Variants in MPP7 observed in about 807,000 individuals in gnomAD.
MPP7 encodes the protein MAGUK p55 scaffold protein 7.
Under a neutral mutation model 76.5 loss-of-function variants are expected in MPP7, and 60 were observed. That is an observed-to-expected ratio of 0.78 (90% CI 0.64 to 0.97). MPP7 has a LOEUF of 0.97. Among genes scored for constraint, MPP7 ranks in the 50% least tolerant of loss-of-function variants. MPP7 has a pLI of 0.00. For synonymous variants in MPP7, 237 were observed against 244.5 expected (o/e 0.97, Z 0.29); for missense variants, 641 against 694.0 (o/e 0.92, Z 0.86).
At chr10:28,195,503 G>A (rs1837551293) in intron 3 of MPP7, among the ~76,000 whole-genome samples, 1 of 152,204 alleles carries the variant, frequency 6.6e-6, no homozygotes, top group Non-Finnish European at 1.5e-5. Flanking sequence ...TCCATCCATG[G>A]ATGAAAGGAT....
chr10:28,253,577 A>G (rs151132187), intron 1 of MPP7, among the ~76,000 whole-genome samples: 262 of 152,332 alleles, frequency 1.7e-3, no homozygotes, highest in African/African-American at 6.1e-3. Flanking sequence ...ATATTTCCTT[A>G]TAGTTGATAG....
intron 1 of MPP7, among the ~76,000 whole-genome samples, chr10:28,301,616 AAGT>A (rs1231080493): frequency 1.3e-5 from 2 of 152,220 alleles, no homozygotes; most frequent in Non-Finnish European, 2.9e-5. Context: ...GTATAAAATA[AAGT>A]AGGAGTAAAG....
At chr10:28,172,500 A>C (rs1836716793) in intron 3 of MPP7, among the ~76,000 whole-genome samples, 1 of 152,230 alleles carries the variant, frequency 6.6e-6, no homozygotes, top group South Asian at 2.1e-4. Context: ...GGAAATATCA[A>C]GACTCTACTA....
chr10:28,173,991 G>A (rs566488200), intron 3 of MPP7, among the ~76,000 whole-genome samples: 4 of 152,210 alleles, frequency 2.6e-5, no homozygotes, highest in South Asian at 2.1e-4. Flanking sequence ...AAGAGCAGAC[G>A]GTCCAGAAAC....
At chr10:28,277,704 G>A (rs1041700745) in intron 1 of MPP7, among the ~76,000 whole-genome samples, 4 of 152,106 alleles carry the variant, frequency 2.6e-5, no homozygotes, top group African/African-American at 7.3e-5. Context: ...TAGCAAAGCA[G>A]CAGCTGTAGT....
At chr10:28,261,459 G>T (rs1051667269) in intron 1 of MPP7, among the ~76,000 whole-genome samples, 2 of 152,184 alleles carry the variant, frequency 1.3e-5, no homozygotes, top group African/African-American at 4.8e-5. Context: ...CATTGTCCCT[G>T]CCATTCTATC....
intron 11 of MPP7, among the ~76,000 whole-genome samples, chr10:28,100,536 A>G (rs1853775399): frequency 6.6e-6 from 1 of 152,180 alleles, no homozygotes; most frequent in African/African-American, 2.4e-5. Flanking sequence ...AAGAAAAATG[A>G]ACATTTTCAT....
At chr10:28,232,638 C>G (rs1838927907) in intron 2 of MPP7, among the ~76,000 whole-genome samples, 1 of 152,174 alleles carries the variant, frequency 6.6e-6, no homozygotes, top group African/African-American at 2.4e-5. Flanking sequence ...CACTTTCAAA[C>G]TAAAAACTGC....
At chr10:28,072,362 GGCTGC>G (rs1852279139) in intron 12 of MPP7, among the ~76,000 whole-genome samples, 1 of 151,802 alleles carries the variant, frequency 6.6e-6, no homozygotes, top group Non-Finnish European at 1.5e-5. Flanking sequence ...CCCCACCACA[GGCTGC>G]ATCATCTCCT....
At chr10:28,334,648 A>T (rs1380926070), upstream of MPP7, among the ~76,000 whole-genome samples, 2 of 152,214 alleles carry the variant, frequency 1.3e-5, no homozygotes, top group Non-Finnish European at 2.9e-5. Context: ...TTAAATATTA[A>T]CACTTTCCCT....
chr10:28,299,423 G>A lies in MPP7; in HGVS notation c.-132+3438C>T, dbSNP rs567312819. ...ATCAGAACATATGTAACATTTATCA[G>A]TTAAGTTCACCATATTATATAGGTG... On this transcript the variant is annotated intron_variant, in intron 1 of 16. Coordinates refer to ENST00000683449, the MANE Select transcript of MPP7 (RefSeq NM_001318170.2). Among the ~76,000 whole-genome samples, 7 of 152,288 alleles carry A rather than the reference G, an allele frequency of 4.6e-5. No individual in the cohort carries two copies. The East Asian group carries it at 1.3e-3, about 29-fold the overall frequency.
chr10:28,278,624 T>C lies in MPP7; in HGVS notation c.-132+24237A>G, dbSNP rs1177854942. ...ACAGAATGAAACACACAGTGTATCA[T>C]TTATGTTAATGAACATGTAACACTG... On this transcript the variant is annotated intron_variant, in intron 1 of 16. Transcript: ENST00000683449. 2.0e-5 allele frequency among the ~76,000 whole-genome samples: 3 copies of C among 152,054 alleles called. 1 individual carries two copies. The highest frequency in any genetic ancestry group is 7.3e-5 in the African/African-American group (3 of 41,324).
At chr10:28,188,218 T>G (rs961625609) in intron 3 of MPP7, among the ~76,000 whole-genome samples, 2 of 152,214 alleles carry the variant, frequency 1.3e-5, no homozygotes, top group African/African-American at 4.8e-5. Context: ...CCTAGGTGAC[T>G]AATATGCCCG....
chr10:28,104,039 CAT>C (rs1368786254), intron 11 of MPP7, among the ~76,000 whole-genome samples: 2 of 151,988 alleles, frequency 1.3e-5, no homozygotes, highest in African/African-American at 2.4e-5. Flanking sequence ...TTGGAGAAAA[CAT>C]ATAATTTTAA....
intron 16 of MPP7, among the ~76,000 whole-genome samples, chr10:28,055,430 CT>C (rs1431189319): frequency 6.6e-6 from 1 of 151,976 alleles, no homozygotes; most frequent in Non-Finnish European, 1.5e-5. Flanking sequence ...TAATGATGAG[CT>C]AATTAAGAGG....
At chr10:28,085,209 C>A (rs537292308) in intron 12 of MPP7, among the ~76,000 whole-genome samples, 15 of 152,166 alleles carry the variant, frequency 9.9e-5, no homozygotes, top group Non-Finnish European at 2.1e-4. Flanking sequence ...CTGCTGGGGT[C>A]TGAATCGGTT....
intron 1 of MPP7, among the ~76,000 whole-genome samples, chr10:28,264,677 C>T (rs1840089248): frequency 6.6e-6 from 1 of 151,856 alleles, no homozygotes; most frequent in African/African-American, 2.4e-5. Context: ...CTCTCAACAG[C>T]TTGAGCAAAC....
chr10:28,125,428 TA>T (rs1345934274), intron 6 of MPP7, among the ~76,000 whole-genome samples: 1 of 152,168 alleles, frequency 6.6e-6, no homozygotes, highest in Non-Finnish European at 1.5e-5. Context: ...TTTATCCTTT[TA>T]AAGCAATTCT....
chr10:28,113,474 A>C (rs1014760909), intron 11 of MPP7, among the ~76,000 whole-genome samples: 5 of 152,114 alleles, frequency 3.3e-5, no homozygotes, highest in Admixed American at 3.3e-4. Flanking sequence ...ATTCCTAGAG[A>C]GTGGCTATCT....
Sources: allele counts gnomAD v4.1 joint callset (sites outside exome capture counted in the v4.1 genomes callset), GRCh38; gene constraint gnomAD v4.1.1; transcripts MANE v1.5; gene names NCBI Gene and HGNC (gene_info 2026-07-23, HGNC 2026-07-21).